The following TRIM41 variants were observed in gnomAD, a reference collection of about 807,000 sequenced individuals.
The protein encoded by TRIM41 is tripartite motif containing 41, also known as E3 ubiquitin-protein ligase TRIM41.
In TRIM41, 21 loss-of-function variants were observed where a neutral mutation model predicts 60.6. That is an observed-to-expected ratio of 0.35 (90% CI 0.25 to 0.50). The LOEUF (loss-of-function observed/expected upper bound fraction) is 0.50, where lower values mean the gene tolerates loss of function less well. Ranked by LOEUF, TRIM41 falls within the 20% of genes least tolerant of loss-of-function variation. The pLI is 0.98. For missense variants in TRIM41, 846 were observed against 868.3 expected (o/e 0.97, Z 0.32); for synonymous variants, 407 against 344.9 (o/e 1.18, Z -2.00).
rs760125570 is a variant in TRIM41 at position 181,224,215 on chromosome 5, AGTGGAGGCT to A, written c.221_229del (p.Glu74_Val76del). The stretch of plus-strand genomic sequence containing the variant: ...AGGAGGAGGACGGAGAGGAGGAGGA[AGTGGAGGCT>A]GTGGGGGCTGGCGCGGGGTGGGACA... On this transcript the variant is annotated inframe_deletion, in exon 1 of 6. Transcript: ENST00000315073. 3.2e-5 allele frequency: 52 copies of A among 1,608,912 alleles called. No homozygotes were observed. Among genetic ancestry groups the A allele is most frequent in the Non-Finnish European group, 4.2e-5 (50 of 1,178,482 alleles).
intron 1 of TRIM41, chr5:181,225,278 G>C (rs963585787): frequency 8.6e-5 from 17 of 196,958 alleles, no homozygotes; most frequent in Non-Finnish European, 2.1e-5. Flanking sequence ...CACCTACCAC[G>C]ATATGGCTTG....
chr5:181,234,177 A>G lies in TRIM41; in HGVS notation c.1295A>G (p.Asp432Gly), dbSNP rs1191402662. The change falls in exon 6 of 6, where the codon GAC (aspartate) becomes GGC (glycine). Residue 432 changes from aspartate (D) to glycine (G), a missense_variant. By Grantham distance (94) the Asp-to-Gly change is moderately conservative. Coordinates refer to ENST00000315073, the MANE Select transcript of TRIM41 (RefSeq NM_033549.5). The surrounding 1 kb of genome is among the most constrained non-coding windows in gnomAD (Gnocchi z 5.6). The stretch of plus-strand genomic sequence containing the variant: ...TTTGTCCTCCCTCCCTCCCAAGTGG[A>G]CCTGACGCTGGACCCTGACACGGCT... The part of the protein sequence containing the change: ...SRMFCQAARV[D>G]LTLDPDTAHP... The G allele has an allele frequency of 6.2e-7, 1 of 1,610,212 alleles. No homozygotes were observed. Among genetic ancestry groups the G allele is most frequent in the South Asian group, 1.1e-5 (1 of 91,072 alleles).
At position 181,224,545 on chromosome 5, in the gene TRIM41, A is replaced by G. The variant is rs370048125; in HGVS notation, c.546A>G (p.Thr182=). Residue 182 remains threonine (T), a synonymous_variant, in exon 1 of 6, where the codon ACA becomes ACG. Coordinates refer to ENST00000315073, the MANE Select transcript of TRIM41 (RefSeq NM_033549.5). ...PPPPAPRRCF[T]CPQCRKSFPR... is the part of the protein sequence containing the mutation. The stretch of plus-strand genomic sequence containing the variant: ...CTCCAGCCCCTCGGAGGTGCTTCAC[A>G]TGCCCTCAGTGCCGAAAGAGCTTTC... 1.2e-4 allele frequency: 194 copies of G among 1,613,176 alleles called. No individual in the cohort carries two copies. The highest frequency in any genetic ancestry group is 3.7e-5 in the Non-Finnish European group (44 of 1,179,304).
Position 181,234,123 on chromosome 5 carries a change from A to G in TRIM41, c.1292-51A>G, listed in dbSNP as rs1758935107. The G allele has an allele frequency of 5.0e-6, 8 of 1,600,692 alleles. No individual in the cohort carries two copies. The highest frequency in any genetic ancestry group is 5.9e-6 in the Non-Finnish European group (7 of 1,179,662). On this transcript the variant is annotated intron_variant, in intron 5 of 5. Coordinates refer to ENST00000315073, the MANE Select transcript of TRIM41 (RefSeq NM_033549.5). The surrounding 1 kb of genome is among the most constrained non-coding windows in gnomAD (Gnocchi z 5.6). ...CCAATCTGTGGAGTTGGCTGCTGAC[A>G]GGGGAACAGCCGTTCCAGCCCTGGC...
intron 1 of TRIM41, chr5:181,229,387 T>C (rs528822423): frequency 6.6e-6 from 1 of 152,278 alleles, no homozygotes; most frequent in African/African-American, 2.4e-5. Flanking sequence ...AGGCTGGAGC[T>C]CTCCTACCCT....
rs748956672 is a variant in TRIM41 at position 181,234,456 on chromosome 5, C to T, written c.1574C>T (p.Ala525Val). 5.6e-6 allele frequency: 9 copies of T among 1,611,886 alleles called. No homozygotes were observed. The highest frequency in any genetic ancestry group is 1.3e-5 in the African/African-American group (1 of 74,856). ...GGTTCCTCCGTGGGCAGCGGGGATGCCAGCTCCTCGCGCCATCACCATCGC... is the reference window on the plus strand; with the variant it reads ...GGTTCCTCCGTGGGCAGCGGGGATGTCAGCTCCTCGCGCCATCACCATCGC... ...PGGSSVGSGD[A>V]SSSRHHHRRR... Residue 525 changes from alanine (A) to valine (V), a missense_variant, in exon 6 of 6, where the codon GCC becomes GTC. Physicochemically the swap from Ala to Val is moderately conservative, Grantham distance 64 (BLOSUM62 0). Transcript: ENST00000315073. This position sits in a 1 kb window ranked among gnomAD's most constrained non-coding sequence, Gnocchi z 5.6.
Position 181,223,905 on chromosome 5 carries a change from C to A in TRIM41, c.-95C>A. On this transcript the variant is annotated 5_prime_UTR_variant, in exon 1 of 6. In the 5' UTR this introduces an upstream ATG that the reference lacks. Coordinates refer to ENST00000315073, the MANE Select transcript of TRIM41 (RefSeq NM_033549.5). Reference sequence around the variant, plus strand: ...TGGGGCGAGGTGTGGAGGGGCAGGGCTGGGGGTGGAGCCGGGTCGCCAGGG... The same window carrying A: ...TGGGGCGAGGTGTGGAGGGGCAGGGATGGGGGTGGAGCCGGGTCGCCAGGG... 7.5e-7 allele frequency: 1 copy of A among 1,334,382 alleles called. No individual in the cohort carries two copies. The highest frequency in any genetic ancestry group is 1.0e-6 in the Non-Finnish European group (1 of 974,170). 82.7% of individuals were successfully genotyped at this position (1,334,382 alleles called of 1,614,324 possible).
rs1480296770 is a variant in TRIM41, at chr5:181,230,956, G to A, written c.909+117G>A. ...CTGAGGAGGGGACAGCTAAGGCCTG[G>A]GAGAGGGGTAGATGCTTTCCCTAGG... is the stretch of plus-strand genomic sequence containing the variant. On this transcript the variant is annotated intron_variant, in intron 2 of 5. Transcript: ENST00000315073. The A allele has an allele frequency of 1.5e-5, 13 of 864,610 alleles. No individual in the cohort carries two copies. The African/African-American group carries it at 2.0e-4, about 13-fold the overall frequency. The allele number at this position is 864,610 out of a possible 1,614,324, so 53.6% of individuals were successfully genotyped here.
chr5:181,233,697 A>T lies in TRIM41; in HGVS notation c.1225A>T (p.Ser409Cys), dbSNP rs1357794642. 2 of 1,614,140 alleles carry T rather than the reference A, an allele frequency of 1.2e-6. No individual in the cohort carries two copies. The highest frequency in any genetic ancestry group is 1.7e-6 in the Non-Finnish European group (2 of 1,180,040). Residue 409 changes from serine to cysteine, a missense_variant, in exon 5 of 6, where the codon AGC becomes TGC. Transcript: ENST00000315073. This position sits in a 1 kb window ranked among gnomAD's most constrained non-coding sequence, Gnocchi z 4.1. ...VWSPDPCQPH[S>C]HDFLTDAIVR... ...GTCCCCTGACCCGTGCCAACCCCAT[A>T]GCCATGACTTCCTGACAGATGCCAT...
rs1210872331 is a variant in TRIM41 at position 181,233,316 on chromosome 5, A to G, written c.1141-97A>G. On this transcript the variant is annotated intron_variant, in intron 3 of 5. Coordinates refer to ENST00000315073, the MANE Select transcript of TRIM41 (RefSeq NM_033549.5). The surrounding 1 kb of genome is among the most constrained non-coding windows in gnomAD (Gnocchi z 4.1). ...TGCTTCTCCCTTCCTGCTCAGGTTCAGTCTCTGACTGGAGATCGGGGAACG... is the reference window on the plus strand; with the variant it reads ...TGCTTCTCCCTTCCTGCTCAGGTTCGGTCTCTGACTGGAGATCGGGGAACG... 12 of 1,277,492 alleles carry G rather than the reference A, an allele frequency of 9.4e-6. No individual in the cohort carries two copies. The highest frequency in any genetic ancestry group is 1.1e-5 in the Non-Finnish European group (10 of 880,990). The allele number at this position is 1,277,492 out of a possible 1,614,324, so 79.1% of individuals were successfully genotyped here.
chr5:181,223,624 C>G lies in TRIM41; in HGVS notation c.-376C>G. The stretch of plus-strand genomic sequence containing the variant: ...CAGGACAGCGGAGGGAAGTCGCGAG[C>G]TTAGGTGGTGTGTAGACGCCGGAAG... On this transcript the variant is annotated 5_prime_UTR_variant, in exon 1 of 6. Transcript: ENST00000315073. The G allele has an allele frequency of 4.2e-6, 2 of 471,096 alleles. No individual in the cohort carries two copies. The highest frequency in any genetic ancestry group is 3.7e-6 in the Non-Finnish European group (1 of 267,810). 29.2% of individuals were successfully genotyped at this position (471,096 alleles called of 1,614,324 possible).
intron 1 of TRIM41, 71 bp from the exon 2 acceptor site, chr5:181,230,673 G>T: frequency 7.9e-7 from 1 of 1,272,828 alleles, no homozygotes; most frequent in East Asian, 2.4e-5. Context: ...GCTATAGGGA[G>T]GATTGCAGAG....
chr5:181,235,235 T>C lies in TRIM41; in HGVS notation c.*460T>C. ...CTGATGCAGATTTTAGCTGAGGGAT[T>C]TGGAAGCCATTTGGGGAGGCAGGCT... On this transcript the variant is annotated 3_prime_UTR_variant, in exon 6 of 6. Coordinates refer to ENST00000315073, the MANE Select transcript of TRIM41 (RefSeq NM_033549.5). 6.3e-7 allele frequency: 1 copy of C among 1,589,826 alleles called. No homozygotes were observed. Among genetic ancestry groups the C allele is most frequent in the Non-Finnish European group, 8.6e-7 (1 of 1,165,652 alleles).
intron 1 of TRIM41, chr5:181,229,604 T>C (rs1758704769): frequency 6.6e-6 from 1 of 152,306 alleles, no homozygotes; most frequent in Non-Finnish European, 1.5e-5. Context: ...TCCTTTGCCA[T>C]TTAGCAAGTA....
rs1006912693 is a variant in TRIM41 at position 181,223,494 on chromosome 5, G to C, written c.-506G>C. ...GCGGCCTCTTACCACAGAGACGCGG[G>C]CCTCCACCGTCCTAGCCCTCCCGCC... On this transcript the variant is annotated 5_prime_UTR_variant, in exon 1 of 6. Transcript: ENST00000315073. 8 of 403,446 alleles carry C rather than the reference G, an allele frequency of 2.0e-5. No individual in the cohort carries two copies. Among genetic ancestry groups the C allele is most frequent in the African/African-American group, 1.6e-4 (8 of 48,730 alleles). 25.0% of individuals were successfully genotyped at this position (403,446 alleles called of 1,614,324 possible). A position where few individuals can be genotyped will look rare whatever the true frequency, so the allele number is the denominator to read the frequency against.
At position 181,233,517 on chromosome 5, in the gene TRIM41, C is replaced by T. The variant is rs146065267; in HGVS notation, c.1163+82C>T. 1.6e-5 allele frequency: 25 copies of T among 1,612,438 alleles called. No individual in the cohort carries two copies. In the East Asian group the frequency reaches 2.0e-4, roughly 13 times the overall value. On this transcript the variant is annotated intron_variant, in intron 4 of 5. Transcript: ENST00000315073. This position sits in a 1 kb window ranked among gnomAD's most constrained non-coding sequence, Gnocchi z 4.1. Reference sequence around the variant, plus strand: ...CTTCTCTTCGGTATCCCTCTCCTCTCCTTCCTTCCCCAGGACCTGAGTTTC... The same window carrying T: ...CTTCTCTTCGGTATCCCTCTCCTCTTCTTCCTTCCCCAGGACCTGAGTTTC...
chr5:181,230,496 CAAA>C (rs60815823), intron 1 of TRIM41: 1,631 of 43,320 alleles, frequency 0.038, 2 homozygotes, highest in South Asian at 0.062. Flanking sequence ...GACTCTGTCT[CAAA>C]AAAAAAAAAA....
chr5:181,232,958 C>T, intron 3 of TRIM41, 69 bp downstream of exon 3: 1 of 1,429,612 alleles, frequency 7.0e-7, no homozygotes. Context: ...TACCAAACGC[C>T]TGTCCAGAGC....
chr5:181,224,317 G>C lies in TRIM41; in HGVS notation c.318G>C (p.Val106=), dbSNP rs759049468. 1 of 1,614,098 alleles carries C rather than the reference G, an allele frequency of 6.2e-7. No homozygotes were observed. Among genetic ancestry groups the C allele is most frequent in the East Asian group, 2.2e-5 (1 of 44,862 alleles). Residue 106 remains valine, a synonymous_variant, in exon 1 of 6, where the codon GTG becomes GTC. Coordinates refer to ENST00000315073, the MANE Select transcript of TRIM41 (RefSeq NM_033549.5). The part of the protein sequence containing the change: ...EEEVEEEEEG[V]FWTSGMSRSS... ...AGGTCGAGGAGGAAGAAGAGGGTGT[G>C]TTCTGGACCAGTGGCATGAGCAGGT... is the stretch of plus-strand genomic sequence containing the variant.
Sources: allele counts gnomAD v4.1 joint callset, GRCh38; gene constraint gnomAD v4.1.1; non-coding constraint Gnocchi (gnomAD v3.1); transcripts MANE v1.5; gene names NCBI Gene and HGNC (gene_info 2026-07-23, HGNC 2026-07-21).